POU6F2: variants seen among roughly 807,000 people sequenced by gnomAD.
POU6F2 encodes the protein POU class 6 homeobox 2, also known as POU domain, class 6, transcription factor 2.
In POU6F2, 31 loss-of-function variants were observed where a neutral mutation model predicts 71.3. The observed-to-expected ratio is 0.43, with a 90% CI of 0.33 to 0.59. The LOEUF (loss-of-function observed/expected upper bound fraction) is 0.59. Among genes scored for constraint, POU6F2 ranks in the 20% least tolerant of loss-of-function variants. The pLI is 0.04. For missense variants in POU6F2, 783 were observed against 856.8 expected (o/e 0.91, Z 1.07); for synonymous variants, 347 against 355.7 (o/e 0.98, Z 0.27).
intron 2 of POU6F2, among the ~76,000 whole-genome samples, chr7:39,146,173 G>C (rs1186645803): frequency 6.6e-6 from 1 of 152,218 alleles, no homozygotes; most frequent in East Asian, 1.9e-4. Context: ...GGAGGGAGGA[G>C]GCATATGATT....
At chr7:39,405,810 C>A (rs1165468977) in intron 5 of POU6F2, among the ~76,000 whole-genome samples, 1 of 152,122 alleles carries the variant, frequency 6.6e-6, no homozygotes, top group Non-Finnish European at 1.5e-5. Context: ...GCAGCCATAA[C>A]CTCCTCCCCG....
intron 6 of POU6F2, among the ~76,000 whole-genome samples, chr7:39,428,859 G>T (rs1471460944): frequency 2.0e-5 from 3 of 151,180 alleles, no homozygotes; most frequent in East Asian, 3.9e-4. Flanking sequence ...GCAAAGTATC[G>T]CAAGGACAGA....
chr7:39,141,416 C>G (rs1792498624), intron 2 of POU6F2, among the ~76,000 whole-genome samples: 1 of 152,162 alleles, frequency 6.6e-6, no homozygotes, highest in Non-Finnish European at 1.5e-5. Flanking sequence ...CCAGCTCACA[C>G]CCAGACATCT....
chr7:39,399,823 C>T (rs1409776367), intron 5 of POU6F2, among the ~76,000 whole-genome samples: 5 of 150,790 alleles, frequency 3.3e-5, no homozygotes, highest in South Asian at 2.1e-4. Flanking sequence ...GGACTCCAGC[C>T]TGGGCAACAA....
chr7:39,121,760 G>A (rs1359867085), intron 2 of POU6F2, among the ~76,000 whole-genome samples: 2 of 152,114 alleles, frequency 1.3e-5, no homozygotes, highest in African/African-American at 4.8e-5. Flanking sequence ...GTGCAGTGGT[G>A]TGATCCTGGC....
At chr7:39,221,991 TA>T (rs979301768) in intron 4 of POU6F2, among the ~76,000 whole-genome samples, 183 of 152,162 alleles carry the variant, frequency 1.2e-3, no homozygotes, top group African/African-American at 4.1e-3. Context: ...TTTCTGGGAT[TA>T]AAAAAAAGTC....
intron 4 of POU6F2, among the ~76,000 whole-genome samples, chr7:39,209,925 C>T (rs1174661649): frequency 6.6e-6 from 1 of 152,172 alleles, no homozygotes; most frequent in Non-Finnish European, 1.5e-5. Context: ...AAATCTCATC[C>T]TCTCTCAAAG....
At chr7:39,222,611 C>G (rs1794391559) in intron 4 of POU6F2, among the ~76,000 whole-genome samples, 1 of 152,142 alleles carries the variant, frequency 6.6e-6, no homozygotes, top group Admixed American at 6.5e-5. Context: ...CTTTCTGTCT[C>G]TATGAATTTG....
At chr7:39,323,222 C>A (rs1468094835) in intron 4 of POU6F2, among the ~76,000 whole-genome samples, 1 of 152,078 alleles carries the variant, frequency 6.6e-6, no homozygotes, top group East Asian at 1.9e-4. Flanking sequence ...AACAGGATGT[C>A]CCCTCATAGA....
chr7:39,052,948 A>G (rs189820500), intron 1 of POU6F2, among the ~76,000 whole-genome samples: 95 of 152,212 alleles, frequency 6.2e-4, no homozygotes, highest in African/African-American at 2.2e-3. Context: ...AATTTCCTGA[A>G]GGTCAGGATC....
intron 6 of POU6F2, among the ~76,000 whole-genome samples, chr7:39,431,582 G>A (rs894289320): frequency 9.2e-5 from 14 of 152,182 alleles, no homozygotes; most frequent in Admixed American, 5.9e-4. Context: ...TGTTTTCTAA[G>A]AGCTGGCACC....
intron 4 of POU6F2, among the ~76,000 whole-genome samples, chr7:39,326,077 A>T (rs62455932): frequency 0.12 from 18,104 of 152,188 alleles, 1,308 homozygotes; most frequent in Admixed American, 0.18. Context: ...GCCTTCTAAG[A>T]AGTCATCAAA....
chr7:39,315,562 G>T (rs1210542557), intron 4 of POU6F2, among the ~76,000 whole-genome samples: 1 of 152,176 alleles, frequency 6.6e-6, no homozygotes, highest in African/African-American at 2.4e-5. Context: ...CCATCCTCCG[G>T]CAGGCAGCCT....
rs578228426 is a variant in POU6F2 at position 39,309,523 on chromosome 7, A to AGAAG, written c.599-30116_599-30113dup. Among the ~76,000 whole-genome samples the AGAAG allele has an allele frequency of 2.0e-3, 298 of 152,366 alleles. 1 individual carries two copies. The highest frequency in any genetic ancestry group is 7.0e-3 in the African/African-American group (293 of 41,584). On this transcript the variant is annotated intron_variant, in intron 4 of 9. Coordinates refer to ENST00000518318, the MANE Select transcript of POU6F2 (RefSeq NM_001370959.1). ...GCTGTCCATAAAGAAGACATGGTTAAGAAGGAGATTGCTAGCTCTAGAAAC... is the reference window on the plus strand; with the variant it reads ...GCTGTCCATAAAGAAGACATGGTTAAGAAGGAAGGAGATTGCTAGCTCTAGAAAC...
intron 2 of POU6F2, among the ~76,000 whole-genome samples, chr7:39,119,393 G>A: frequency 6.6e-6 from 1 of 152,130 alleles, no homozygotes; most frequent in East Asian, 1.9e-4. Flanking sequence ...TGTCTTAATT[G>A]TAAAAAATAA....
At chr7:39,330,521 C>A (rs1000570732) in intron 4 of POU6F2, among the ~76,000 whole-genome samples, 1 of 152,158 alleles carries the variant, frequency 6.6e-6, no homozygotes, top group Non-Finnish European at 1.5e-5. Flanking sequence ...TCAGTAAACA[C>A]TCTTGACTTT....
At chr7:39,235,763 C>T (rs529570745) in intron 4 of POU6F2, among the ~76,000 whole-genome samples, 3 of 152,260 alleles carry the variant, frequency 2.0e-5, no homozygotes, top group African/African-American at 7.2e-5. Flanking sequence ...TCCACCGTCA[C>T]CAGAAGTAGC....
chr7:39,378,676 A>G (rs994504201), intron 5 of POU6F2, among the ~76,000 whole-genome samples: 3 of 152,202 alleles, frequency 2.0e-5, no homozygotes, highest in African/African-American at 7.2e-5. Flanking sequence ...ACATTGTAAT[A>G]TTTATCCAAG....
chr7:39,364,057 G>T (rs952092605), intron 5 of POU6F2, among the ~76,000 whole-genome samples: 1 of 152,120 alleles, frequency 6.6e-6, no homozygotes, highest in Non-Finnish European at 1.5e-5. Context: ...TAGAGATCCC[G>T]TAGAGGGAGG....
Sources: gnomAD v4.1 joint callset for allele counts (sites outside exome capture counted in the v4.1 genomes callset) on GRCh38, gnomAD v4.1.1 for gene constraint, MANE v1.5 for transcripts, NCBI Gene and HGNC (gene_info 2026-07-23, HGNC 2026-07-21) for gene names.